SHISAL1: variants seen among roughly 807,000 people sequenced by gnomAD.
SHISAL1 encodes the protein shisa like 1, also known as protein shisa-like-1.
A neutral mutation model predicts 22.6 loss-of-function variants in SHISAL1; 9 were observed. The observed-to-expected ratio is 0.40, with a 90% CI of 0.24 to 0.70. The LOEUF is 0.70. Among genes scored for constraint, SHISAL1 ranks in the 30% least tolerant of loss-of-function variants. The pLI is 0.39. For missense variants in SHISAL1, 246 were observed against 270.6 expected (o/e 0.91, Z 0.64); for synonymous variants, 119 against 115.4 (o/e 1.03, Z -0.20).
Position 44,310,858 on chromosome 22 carries a change from G to C in SHISAL1, c.-33+1893C>G, listed in dbSNP as rs2055513102. Among the ~76,000 whole-genome samples the C allele has an allele frequency of 6.6e-6, 1 of 152,012 alleles. No individual in the cohort carries two copies. The highest frequency in any genetic ancestry group is 1.5e-5 in the Non-Finnish European group (1 of 68,016). ...CCCTGCCTAGTACAAGCTCTTCAAG[G>C]GTGGGAAATTTTGTGCCTCTGCATC... On this transcript the variant is annotated intron_variant, in intron 1 of 4. Coordinates refer to ENST00000381176, the MANE Select transcript of SHISAL1 (RefSeq NM_001099294.2). The surrounding 1 kb of genome is among the most constrained non-coding windows in gnomAD (Gnocchi z 4.0).
intron 4 of SHISAL1, among the ~76,000 whole-genome samples, chr22:44,254,451 C>T (rs1243741758): frequency 6.6e-6 from 1 of 152,082 alleles, no homozygotes. Context: ...ACCTCAAACT[C>T]CTGGGCTAAA....
At chr22:44,322,059 A>G in the SHISAL1 span, among the ~76,000 whole-genome samples, 1 of 152,168 alleles carries the variant, frequency 6.6e-6, no homozygotes, top group South Asian at 2.1e-4. Context: ...CCTGACCACA[A>G]AGTGTATTCA....
the SHISAL1 span, among the ~76,000 whole-genome samples, chr22:44,330,450 G>C: frequency 9.8e-5 from 15 of 152,288 alleles, no homozygotes; most frequent in South Asian, 2.9e-3. Context: ...GAGAGGTAGG[G>C]GAGACACAAA....
intron 4 of SHISAL1, among the ~76,000 whole-genome samples, chr22:44,257,426 G>T (rs528244622): frequency 6.6e-6 from 1 of 152,108 alleles, no homozygotes; most frequent in Non-Finnish European, 1.5e-5. Flanking sequence ...CCTTCCCTGG[G>T]CATTGGTCAT....
chr22:44,259,299 G>T (rs2055105960), intron 4 of SHISAL1, among the ~76,000 whole-genome samples: 2 of 152,148 alleles, frequency 1.3e-5, no homozygotes, highest in South Asian at 4.2e-4. Flanking sequence ...TTAGCTGGGT[G>T]CAGTGGCACA....
In SHISAL1 at chr22:44,285,571, G is replaced by A. The variant is rs751318053; in HGVS notation, c.456C>T (p.Pro152=). Residue 152 remains proline (P), a synonymous_variant, in exon 4 of 5, where the codon CCC becomes CCT. Coordinates refer to ENST00000381176, the MANE Select transcript of SHISAL1 (RefSeq NM_001099294.2). ...MKQDPRRWGN[P]ARAPRPGQRA... is the part of the protein sequence containing the mutation. Reference sequence around the variant, plus strand: ...GCTGACCCGGCCGAGGGGCCCGAGCGGGGTTCCCCCACCGCCGGGGGTCCT... The same window carrying A: ...GCTGACCCGGCCGAGGGGCCCGAGCAGGGTTCCCCCACCGCCGGGGGTCCT... 15 of 1,613,586 alleles carry A rather than the reference G, an allele frequency of 9.3e-6. No individual in the cohort carries two copies. Among genetic ancestry groups the A allele is most frequent in the South Asian group, 7.7e-5 (7 of 91,080 alleles).
At chr22:44,331,497 C>T in the SHISAL1 span, among the ~76,000 whole-genome samples, 1 of 150,890 alleles carries the variant, frequency 6.6e-6, no homozygotes, top group Non-Finnish European at 1.5e-5. The surrounding 1 kb of genome is among the most constrained non-coding windows in gnomAD (Gnocchi z 5.2). Context: ...CAGCTCACCT[C>T]GTGCCCGCCG....
chr22:44,289,084 C>A (rs568316640), intron 3 of SHISAL1, among the ~76,000 whole-genome samples: 28 of 152,322 alleles, frequency 1.8e-4, no homozygotes, highest in Admixed American at 1.8e-3. Flanking sequence ...ATGTCTTGTG[C>A]GCCAGCAGCT....
chr22:44,299,196 G>A (rs1569223498), intron 2 of SHISAL1, among the ~76,000 whole-genome samples: 3 of 152,194 alleles, frequency 2.0e-5, no homozygotes, highest in Admixed American at 6.5e-5. Context: ...GGGGCATGGC[G>A]TGACTCCAGG....
rs140017235 is a variant in SHISAL1 at position 44,245,976 on chromosome 22, C to CTGTG, written c.*3705_*3708dup. The CTGTG allele has an allele frequency of 3.9e-5, 6 of 152,236 alleles. No individual in the cohort carries two copies. Among genetic ancestry groups the CTGTG allele is most frequent in the African/African-American group, 1.4e-4 (6 of 41,436 alleles). The allele number at this position is 152,236 out of a possible 1,614,324, so 9.4% of individuals were successfully genotyped here. On this transcript the variant is annotated 3_prime_UTR_variant, in exon 5 of 5. Coordinates refer to ENST00000381176, the MANE Select transcript of SHISAL1 (RefSeq NM_001099294.2). Reference sequence around the variant, plus strand: ...GGACCAGATCTACCTGTGAAATCACCTGTGTGTGTGCGCGCATGTGCATGT... The same window carrying CTGTG: ...GGACCAGATCTACCTGTGAAATCACCTGTGTGTGTGTGTGCGCGCATGTGCATGT...
intron 2 of SHISAL1, among the ~76,000 whole-genome samples, chr22:44,298,567 C>T (rs145579832): frequency 4.0e-4 from 61 of 152,350 alleles, no homozygotes; most frequent in East Asian, 3.9e-3. Context: ...GCCCTGCTCA[C>T]GCTCAGTGCG....
At chr22:44,293,895 CT>C (rs2055369341) in intron 3 of SHISAL1, among the ~76,000 whole-genome samples, 1 of 152,246 alleles carries the variant, frequency 6.6e-6, no homozygotes, top group African/African-American at 2.4e-5. Flanking sequence ...CAGCCCAACT[CT>C]TCATCAGCAG....
In SHISAL1 at chr22:44,296,700, T is replaced by C. The variant is rs2147298934; in HGVS notation, c.253A>G (p.Thr85Ala). ...EFQAVMQANL[T>A]ASSEGYMHNN... ...TGCATGTAACCCTCGGAGCTGGCCGTGAGGTTCGCCTGCATCACCGCCTGG... is the reference window on the plus strand; with the variant it reads ...TGCATGTAACCCTCGGAGCTGGCCGCGAGGTTCGCCTGCATCACCGCCTGG... Residue 85 changes from threonine to alanine, a missense_variant, in exon 3 of 5, where the codon ACG (threonine) becomes GCG (alanine). By Grantham distance (58) the Thr-to-Ala change is moderately conservative. Transcript: ENST00000381176. 1.2e-6 allele frequency: 2 copies of C among 1,613,472 alleles called. No homozygotes were observed. Among genetic ancestry groups the C allele is most frequent in the East Asian group, 2.2e-5 (1 of 44,862 alleles).
chr22:44,252,732 C>T (rs2055056889), intron 4 of SHISAL1, among the ~76,000 whole-genome samples: 1 of 151,778 alleles, frequency 6.6e-6, no homozygotes, highest in South Asian at 2.1e-4. Flanking sequence ...TGGTGGCTCA[C>T]ACCTGTAATC....
At chr22:44,299,468 C>G (rs1222163099) in intron 2 of SHISAL1, among the ~76,000 whole-genome samples, 4 of 152,186 alleles carry the variant, frequency 2.6e-5, no homozygotes, top group Admixed American at 2.6e-4. Context: ...TGGTGAGGAC[C>G]AGGTGAGCCA....
chr22:44,311,177 C>G (rs1390863448), intron 1 of SHISAL1, among the ~76,000 whole-genome samples: 1 of 152,116 alleles, frequency 6.6e-6, no homozygotes, highest in African/African-American at 2.4e-5. Context: ...TCCAGGGGAG[C>G]TGAGGTGGGC....
the SHISAL1 span, among the ~76,000 whole-genome samples, chr22:44,320,528 T>C: frequency 6.6e-6 from 1 of 152,204 alleles, no homozygotes; most frequent in Non-Finnish European, 1.5e-5. Context: ...GCTTTCACAC[T>C]ATATTTTCTA....
At chr22:44,288,941 G>GTTCAAA (rs1258480461) in intron 3 of SHISAL1, among the ~76,000 whole-genome samples, 1 of 152,220 alleles carries the variant, frequency 6.6e-6, no homozygotes, top group Non-Finnish European at 1.5e-5. Flanking sequence ...CGGGGTTGGG[G>GTTCAAA]TTCAAATTGT....
At chr22:44,255,608 G>C (rs569871535) in intron 4 of SHISAL1, among the ~76,000 whole-genome samples, 1 of 152,194 alleles carries the variant, frequency 6.6e-6, no homozygotes, top group Non-Finnish European at 1.5e-5. Context: ...CAGGATTCTT[G>C]CAGTGGTGTC....
Sources: gnomAD v4.1 joint callset for allele counts (sites outside exome capture counted in the v4.1 genomes callset) on GRCh38, gnomAD v4.1.1 for gene constraint, Gnocchi (gnomAD v3.1) non-coding constraint, MANE v1.5 for transcripts, NCBI Gene and HGNC (gene_info 2026-07-23, HGNC 2026-07-21) for gene names.